Variants in DOCK3 observed in about 807,000 individuals in gnomAD.
DOCK3 encodes dedicator of cytokinesis protein 3.
In DOCK3, 60 loss-of-function variants were observed where a neutral mutation model predicts 265.6. The ratio of observed to expected loss-of-function variants is 0.23; its 90% confidence interval spans 0.18 to 0.28. DOCK3 has a LOEUF of 0.28. Ranked by LOEUF, DOCK3 falls within the 10% of genes least tolerant of loss-of-function variation. The pLI is 1.00. For missense variants in DOCK3, 1,981 were observed against 2,594.3 expected (o/e 0.76, Z 5.14); for synonymous variants, 881 against 938.0 (o/e 0.94, Z 1.11).
intron 3 of DOCK3, among the ~76,000 whole-genome samples, chr3:50,886,209 T>TTC (rs2048330237): frequency 7.1e-6 from 1 of 141,764 alleles, no homozygotes; most frequent in Admixed American, 7.2e-5. Context: ...TATATATATA[T>TTC]TCCAGAGTTT....
At position 51,359,039 on chromosome 3, in the gene DOCK3, G is replaced by T. The variant is rs1242761656; in HGVS notation, c.4884+962G>T. On this transcript the variant is annotated intron_variant, in intron 46 of 52. Coordinates refer to ENST00000266037, the MANE Select transcript of DOCK3 (RefSeq NM_004947.5). The surrounding 1 kb of genome is among the most constrained non-coding windows in gnomAD (Gnocchi z 4.8). The stretch of plus-strand genomic sequence containing the variant: ...GCCAAGTTCTCTTCTCATCACCCAG[G>T]ACCACTGGACAGAAGTGGCAGGGAG... Among the ~76,000 whole-genome samples the T allele has an allele frequency of 6.6e-6, 1 of 152,204 alleles. No individual in the cohort carries two copies. Among genetic ancestry groups the T allele is most frequent in the Non-Finnish European group, 1.5e-5 (1 of 68,044 alleles).
intron 12 of DOCK3, among the ~76,000 whole-genome samples, chr3:51,205,181 A>C (rs576538383): frequency 8.9e-4 from 135 of 152,034 alleles, no homozygotes; most frequent in Admixed American, 1.4e-3. Context: ...AAAATAAATA[A>C]ATAAATAAAT....
chr3:51,269,620 C>A (rs2080389886), intron 23 of DOCK3, among the ~76,000 whole-genome samples: 1 of 152,164 alleles, frequency 6.6e-6, no homozygotes, highest in Non-Finnish European at 1.5e-5. Flanking sequence ...AGAAAACAGC[C>A]TTCCCTCCCC....
chr3:50,743,456 G>A (rs4028669), intron 1 of DOCK3, among the ~76,000 whole-genome samples: 131,417 of 145,350 alleles, frequency 0.9, 59,585 homozygotes, highest in African/African-American at 0.95. Context: ...CCCATCTCAC[G>A]TGCAGAGACA....
chr3:51,338,254 C>T, intron 35 of DOCK3, 105 bp from the exon 36 acceptor site: 1 of 1,290,794 alleles, frequency 7.7e-7, no homozygotes, highest in Non-Finnish European at 1.1e-6. Flanking sequence ...GAGGCCATCT[C>T]AATCTGGGAT....
chr3:51,235,571 C>G (rs1373287244), intron 19 of DOCK3, among the ~76,000 whole-genome samples: 1 of 152,090 alleles, frequency 6.6e-6, no homozygotes, highest in African/African-American at 2.4e-5. Flanking sequence ...ACCATTAACC[C>G]ATGGCCAGTC....
chr3:51,224,218 C>T (rs565062955), intron 14 of DOCK3, among the ~76,000 whole-genome samples: 18 of 152,328 alleles, frequency 1.2e-4, no homozygotes, highest in Non-Finnish European at 2.2e-4. Context: ...TTGTCATGAA[C>T]TTTTCTTACC....
intron 1 of DOCK3, among the ~76,000 whole-genome samples, chr3:50,698,922 T>G (rs2035846511): frequency 6.6e-6 from 1 of 152,198 alleles, no homozygotes; most frequent in South Asian, 2.1e-4. Flanking sequence ...GATAAGTGAT[T>G]TACAGATTTT....
chr3:51,236,089 T>C (rs1182788134), intron 19 of DOCK3, among the ~76,000 whole-genome samples: 1 of 152,232 alleles, frequency 6.6e-6, no homozygotes, highest in Non-Finnish European at 1.5e-5. Flanking sequence ...CTTAGAAATG[T>C]ATCACTCACC....
intron 19 of DOCK3, among the ~76,000 whole-genome samples, chr3:51,232,874 A>C (rs2078185474): frequency 6.6e-6 from 1 of 152,072 alleles, no homozygotes; most frequent in Non-Finnish European, 1.5e-5. Context: ...CCATTTATTG[A>C]GTATGGAGTC....
At chr3:50,842,772 C>T (rs891399333) in intron 3 of DOCK3, among the ~76,000 whole-genome samples, 3 of 152,186 alleles carry the variant, frequency 2.0e-5, no homozygotes, top group African/African-American at 7.2e-5. Context: ...TTTTGAAATA[C>T]ATTCATGAAT....
chr3:50,815,796 CTTTA>C (rs2044037956), intron 2 of DOCK3, among the ~76,000 whole-genome samples: 1 of 152,098 alleles, frequency 6.6e-6, no homozygotes, highest in African/African-American at 2.4e-5. Flanking sequence ...TCTCTTTGGC[CTTTA>C]TTTGTGAGTC....
At chr3:50,984,205 C>G (rs1027522666) in intron 5 of DOCK3, among the ~76,000 whole-genome samples, 11 of 152,236 alleles carry the variant, frequency 7.2e-5, no homozygotes, top group Admixed American at 6.5e-4. Context: ...CCAAGCAAAA[C>G]TCGAGCAAAG....
chr3:50,711,720 T>C (rs2036785136), intron 1 of DOCK3, among the ~76,000 whole-genome samples: 1 of 152,214 alleles, frequency 6.6e-6, no homozygotes, highest in Non-Finnish European at 1.5e-5. Context: ...TTCTTTCCTT[T>C]CGTTTTGGAA....
At chr3:50,966,384 T>C (rs941561308) in intron 5 of DOCK3, among the ~76,000 whole-genome samples, 3 of 152,086 alleles carry the variant, frequency 2.0e-5, no homozygotes, top group Non-Finnish European at 4.4e-5. Context: ...GAGGAACCAC[T>C]ATACTGTTTT....
intron 2 of DOCK3, among the ~76,000 whole-genome samples, chr3:50,799,081 G>T (rs1473773397): frequency 6.6e-6 from 1 of 152,140 alleles, no homozygotes; most frequent in Non-Finnish European, 1.5e-5. Flanking sequence ...AGTGGTCTGT[G>T]TGTCTGTTTT....
In DOCK3 at chr3:51,096,429, A is replaced by G. The variant is rs113395607; in HGVS notation, c.746+6045A>G. ...TGATATCCTTTCTTCCACTTGATCAATTCGGCTATTGATACTTGTGTATGC... is the reference window on the plus strand; with the variant it reads ...TGATATCCTTTCTTCCACTTGATCAGTTCGGCTATTGATACTTGTGTATGC... On this transcript the variant is annotated intron_variant, in intron 9 of 52. Coordinates refer to ENST00000266037, the MANE Select transcript of DOCK3 (RefSeq NM_004947.5). 1.7e-4 allele frequency among the ~76,000 whole-genome samples: 26 copies of G among 151,878 alleles called. 2 individuals carry two copies. The highest frequency in any genetic ancestry group is 6.0e-4 in the African/African-American group (25 of 41,394).
intron 5 of DOCK3, among the ~76,000 whole-genome samples, chr3:51,046,655 C>T (rs1467313587): frequency 6.6e-6 from 1 of 152,106 alleles, no homozygotes; most frequent in African/African-American, 2.4e-5. Flanking sequence ...CAGTTCCTCA[C>T]TTTCAATAAT....
rs556941580 is a variant in DOCK3, at chr3:51,285,881, G to A, written c.2922+5677G>A. On this transcript the variant is annotated intron_variant, in intron 27 of 52. Transcript: ENST00000266037. ...ACCCAGGAGGCAGAGGTTGCAGTGA[G>A]CCAAGATCACGCCATTGCACTCCAG... 7.9e-5 allele frequency among the ~76,000 whole-genome samples: 12 copies of A among 152,278 alleles called. No individual in the cohort carries two copies. The Middle Eastern group carries it at 0.014, about 173-fold the overall frequency.
Sources: gnomAD v4.1 joint callset for allele counts (sites outside exome capture counted in the v4.1 genomes callset) on GRCh38, gnomAD v4.1.1 for gene constraint, Gnocchi (gnomAD v3.1) non-coding constraint, MANE v1.5 for transcripts, NCBI Gene and HGNC (gene_info 2026-07-23, HGNC 2026-07-21) for gene names.